The following HUNK variants were observed in gnomAD, a reference collection of about 807,000 sequenced individuals.
The protein encoded by HUNK is hormonally up-regulated neu tumor-associated kinase.
HUNK carries 21 observed loss-of-function variants against 61.0 expected under a neutral mutation model. That is an observed-to-expected ratio of 0.34 (90% CI 0.24 to 0.50). The LOEUF is 0.50. Ranked by LOEUF, HUNK falls within the 20% of genes least tolerant of loss-of-function variation. The pLI is 0.98. For synonymous variants in HUNK, 371 were observed against 386.1 expected (o/e 0.96, Z 0.46); for missense variants, 772 against 945.7 (o/e 0.82, Z 2.41).
At chr21:31,978,390 A>G (rs2053065769) in intron 7 of HUNK, among the ~76,000 whole-genome samples, 1 of 152,234 alleles carries the variant, frequency 6.6e-6, no homozygotes, top group Non-Finnish European at 1.5e-5. Flanking sequence ...GTTATTAACT[A>G]TAGTCACCAC....
chr21:31,883,628 G>A (rs2052325600), intron 1 of HUNK, among the ~76,000 whole-genome samples: 1 of 152,036 alleles, frequency 6.6e-6, no homozygotes, highest in African/African-American at 2.4e-5. Flanking sequence ...GTTATTTCTT[G>A]GGAGTTCATG....
intron 7 of HUNK, among the ~76,000 whole-genome samples, chr21:31,978,081 G>A (rs2123854710): frequency 6.6e-6 from 1 of 152,330 alleles, no homozygotes; most frequent in East Asian, 1.9e-4. Context: ...CCAGCATCCA[G>A]GCTGCAAGTG....
intron 9 of HUNK, among the ~76,000 whole-genome samples, chr21:31,992,270 G>A (rs963579874): frequency 6.6e-6 from 1 of 152,240 alleles, no homozygotes; most frequent in Non-Finnish European, 1.5e-5. Flanking sequence ...TCAGACCTCA[G>A]AGGCTAAGGA....
chr21:31,887,799 T>C (rs940770752), intron 1 of HUNK, among the ~76,000 whole-genome samples: 2 of 152,152 alleles, frequency 1.3e-5, no homozygotes, highest in African/African-American at 4.8e-5. Context: ...TTAGGGATGA[T>C]AGAATGAAGT....
intron 3 of HUNK, among the ~76,000 whole-genome samples, chr21:31,945,388 A>T (rs947615560): frequency 6.6e-6 from 1 of 152,188 alleles, no homozygotes; most frequent in Non-Finnish European, 1.5e-5. Flanking sequence ...GAGGTCGCTT[A>T]GTCTAGTTTG....
At chr21:31,955,548 G>A (rs993884501) in intron 4 of HUNK, among the ~76,000 whole-genome samples, 2 of 152,126 alleles carry the variant, frequency 1.3e-5, no homozygotes, top group African/African-American at 2.4e-5. Flanking sequence ...CCGAGATCGC[G>A]CCACTCTACT....
chr21:31,947,612 C>T (rs1223605684), intron 4 of HUNK, among the ~76,000 whole-genome samples: 1 of 152,202 alleles, frequency 6.6e-6, no homozygotes, highest in East Asian at 1.9e-4. Flanking sequence ...ATTTTGTTCC[C>T]AGGGTCTGGT....
intron 9 of HUNK, among the ~76,000 whole-genome samples, chr21:31,993,037 G>A (rs1433972370): frequency 1.3e-5 from 2 of 152,286 alleles, no homozygotes; most frequent in African/African-American, 2.4e-5. Flanking sequence ...CAGGGTGCAG[G>A]ATGTTGGGAT....
At chr21:31,905,841 G>T (rs1051239995) in intron 1 of HUNK, among the ~76,000 whole-genome samples, 5 of 152,224 alleles carry the variant, frequency 3.3e-5, no homozygotes, top group African/African-American at 4.8e-5. Flanking sequence ...GGGGAGGAAG[G>T]AAGCCTCGTG....
chr21:31,956,802 C>A lies in HUNK; in HGVS notation c.747-2041C>A, dbSNP rs533504050. On this transcript the variant is annotated intron_variant, in intron 4 of 10. Transcript: ENST00000270112. The stretch of plus-strand genomic sequence containing the variant: ...TTCCATTCTGAGCCCCTTTAATCCA[C>A]TTATACAATATAACTACTCCCTGAA... Among the ~76,000 whole-genome samples, 3 of 151,328 alleles carry A rather than the reference C, an allele frequency of 2.0e-5. No individual in the cohort carries two copies. In the South Asian group the frequency reaches 6.2e-4, roughly 31 times the overall value.
intron 1 of HUNK, among the ~76,000 whole-genome samples, chr21:31,917,627 GT>G (rs879356390): frequency 3.3e-5 from 5 of 149,956 alleles, no homozygotes; most frequent in African/African-American, 4.9e-5. Context: ...TTGACAGAAA[GT>G]TGTTTTTCTT....
intron 4 of HUNK, among the ~76,000 whole-genome samples, chr21:31,955,409 T>G (rs2052882314): frequency 7.0e-6 from 1 of 142,942 alleles, no homozygotes. Flanking sequence ...GCTAACACAG[T>G]GAAACCCCGT....
intron 8 of HUNK, 34 bp downstream of exon 8, chr21:31,983,643 T>C: frequency 6.9e-7 from 1 of 1,453,150 alleles, no homozygotes; most frequent in East Asian, 2.3e-5. Flanking sequence ...TCAGGGTCTC[T>C]TAGGAAGGGT....
At chr21:31,995,695 G>T in intron 9 of HUNK, 73 bp from the exon 10 acceptor site, 1 of 1,215,614 alleles carries the variant, frequency 8.2e-7, no homozygotes, top group South Asian at 1.4e-5. Flanking sequence ...CAGTTTGGAT[G>T]ACTTTTCAAA....
chr21:31,902,662 C>A (rs1035223594), intron 1 of HUNK, among the ~76,000 whole-genome samples: 2 of 152,098 alleles, frequency 1.3e-5, no homozygotes, highest in African/African-American at 4.8e-5. Context: ...CACACATAGG[C>A]CTTTTTGTTT....
intron 6 of HUNK, among the ~76,000 whole-genome samples, chr21:31,968,842 T>TTGTGTG (rs56695834): frequency 7.1e-6 from 1 of 140,470 alleles, no homozygotes; most frequent in Non-Finnish European, 1.5e-5. Flanking sequence ...GTGTGTAAAT[T>TTGTGTG]TGTGTGTGTG....
chr21:31,980,102 C>T (rs2053084994), intron 7 of HUNK, among the ~76,000 whole-genome samples: 1 of 152,062 alleles, frequency 6.6e-6, no homozygotes, highest in Non-Finnish European at 1.5e-5. Context: ...GATGAAGTCT[C>T]ACTCTGTCAC....
intron 1 of HUNK, among the ~76,000 whole-genome samples, chr21:31,894,413 A>G (rs923910825): frequency 2.0e-5 from 3 of 152,216 alleles, no homozygotes; most frequent in African/African-American, 7.2e-5. Context: ...GTGATGTCAG[A>G]ATACTCACTG....
intron 1 of HUNK, among the ~76,000 whole-genome samples, chr21:31,892,501 C>T (rs1454702857): frequency 2.5e-4 from 35 of 137,670 alleles, no homozygotes; most frequent in Middle Eastern, 4.1e-3. Flanking sequence ...ACCCAGGAGG[C>T]GGAGGTTGCA....
Sources: gnomAD v4.1 joint callset for allele counts (sites outside exome capture counted in the v4.1 genomes callset) on GRCh38, gnomAD v4.1.1 for gene constraint, MANE v1.5 for transcripts, NCBI Gene and HGNC (gene_info 2026-07-23, HGNC 2026-07-21) for gene names.